CEMIP2: variants seen among roughly 807,000 people sequenced by gnomAD.
CEMIP2 encodes cell migration inducing hyaluronidase 2.
In CEMIP2, 79 loss-of-function variants were observed where a neutral mutation model predicts 146.9. The ratio of observed to expected loss-of-function variants is 0.54; its 90% CI spans 0.45 to 0.65. The LOEUF is 0.65. Among genes scored for constraint, CEMIP2 ranks in the 30% least tolerant of loss-of-function variants. The pLI is 0.00. For missense variants in CEMIP2, 1,596 were observed against 1,696.2 expected, an observed-to-expected ratio of 0.94 and a Z score of 1.04; for synonymous variants, 601 against 606.3, an observed-to-expected ratio of 0.99 and a Z score of 0.13.
intron 12 of CEMIP2, among the ~76,000 whole-genome samples, chr9:71,718,359 C>A (rs1464907199): frequency 6.6e-6 from 1 of 151,706 alleles, no homozygotes; most frequent in Non-Finnish European, 1.5e-5. Context: ...AAATCATTTC[C>A]AAAAAAACCC....
chr9:71,723,368 A>G (rs374710660), intron 11 of CEMIP2, among the ~76,000 whole-genome samples: 1 of 148,278 alleles, frequency 6.7e-6, no homozygotes, highest in African/African-American at 2.4e-5. Context: ...AAAAAAAAAA[A>G]GGAGGCAAAT....
In CEMIP2 at chr9:71,728,281, G is replaced by GTGTATATATATATA. The variant is rs1257254971; in HGVS notation, c.2049+1563_2049+1564insTATATATATATACA. On this transcript the variant is annotated intron_variant, in intron 10 of 23. Coordinates refer to ENST00000377044, the MANE Select transcript of CEMIP2 (RefSeq NM_013390.3). ...TACACGTATATATATATATATATAT[G>GTGTATATATATATA]TATATATATATATATATATACATAT... Among the ~76,000 whole-genome samples, 2 of 9,254 alleles carry GTGTATATATATATA rather than the reference G, an allele frequency of 2.2e-4. 1 individual carries two copies. Among genetic ancestry groups the GTGTATATATATATA allele is most frequent in the African/African-American group, 9.5e-4 (2 of 2,100 alleles). The allele number at this position is 9,254 out of a possible 152,430, so 6.1% of individuals were successfully genotyped here.
At chr9:71,720,340 G>GATCT (rs1823198116) in intron 12 of CEMIP2, among the ~76,000 whole-genome samples, 1 of 152,162 alleles carries the variant, frequency 6.6e-6, no homozygotes, top group Admixed American at 6.5e-5. Context: ...GCTCAGGCTA[G>GATCT]AGCGCAGTGG....
At chr9:71,700,987 G>T (rs972938520) in intron 18 of CEMIP2, among the ~76,000 whole-genome samples, 163 bp from the exon 19 acceptor site, 2 of 152,180 alleles carry the variant, frequency 1.3e-5, no homozygotes, top group African/African-American at 4.8e-5. Context: ...ACTGACAGTG[G>T]AAGTTCTGAA....
At position 71,740,119 on chromosome 9, in the gene CEMIP2, A is replaced by C. The variant is rs1823872327; in HGVS notation, c.1148T>G (p.Phe383Cys). 6.2e-7 allele frequency: 1 copy of C among 1,613,984 alleles called. No homozygotes were observed. The highest frequency in any genetic ancestry group is 1.3e-5 in the African/African-American group (1 of 74,914). ...SGGKALAQRE[F>C]YTVDGQKFSV... ...GAACTTCTGGCCATCCACAGTATAA[A>C]ATTCTCTTTGGGCAAGAGCCTTCCC... The change falls in exon 5 of 24, where the codon TTT becomes TGT. Residue 383 changes from phenylalanine (F) to cysteine (C), a missense_variant. Physicochemically the swap from Phe to Cys is radical, Grantham distance 205 (BLOSUM62 -2). Coordinates refer to ENST00000377044, the MANE Select transcript of CEMIP2 (RefSeq NM_013390.3).
Position 71,718,030 on chromosome 9 carries a change from G to A in CEMIP2, c.2317C>T (p.Leu773=). The change falls in exon 13 of 24, where the codon CTA becomes TTA. Residue 773 remains leucine, a synonymous_variant. Transcript: ENST00000377044. ...TTAAAAGCAATGAGCCTGTCAATTA[G>A]AGCAGCAACACGTGGTTTTTCGGGG... ...ANPEKPRVAA[L]IDRLIAFKNN... 6.2e-7 allele frequency: 1 copy of A among 1,613,052 alleles called. No homozygotes were observed.
At chr9:71,743,825 T>C (rs566965185) in intron 4 of CEMIP2, among the ~76,000 whole-genome samples, 35 of 152,296 alleles carry the variant, frequency 2.3e-4, no homozygotes, top group Non-Finnish European at 2.2e-4. Flanking sequence ...TCACTATTTT[T>C]TGTCTTTCTA....
Position 71,756,267 on chromosome 9 carries a change from C to T in CEMIP2, c.-12-5882G>A, listed in dbSNP as rs1292766911. ...ATATATATATATATATGTATATATA[C>T]ACACGTATATGTATATACCTATATA... On this transcript the variant is annotated intron_variant, in intron 1 of 23. Transcript: ENST00000377044. Among the ~76,000 whole-genome samples the T allele has an allele frequency of 2.1e-5, 3 of 141,186 alleles. No individual in the cohort carries two copies. The South Asian group carries it at 7.5e-4, about 36-fold the overall frequency. 92.6% of individuals were successfully genotyped at this position (141,186 alleles called of 152,430 possible).
chr9:71,762,503 C>CAA lies in CEMIP2; in HGVS notation c.-13+5852_-13+5853dup, dbSNP rs58090104. Among the ~76,000 whole-genome samples the CAA allele has an allele frequency of 9.3e-4, 74 of 79,704 alleles. 3 individuals are homozygous for CAA. Among genetic ancestry groups the CAA allele is most frequent in the African/African-American group, 2.4e-3 (47 of 19,324 alleles). The allele number at this position is 79,704 out of a possible 152,430, so 52.3% of individuals were successfully genotyped here. A position where few individuals can be genotyped will look rare whatever the true frequency, so the allele number is the denominator to read the frequency against. On this transcript the variant is annotated intron_variant, in intron 1 of 23. Transcript: ENST00000377044. ...CAAGACCCCATGCCAGCCCCGTCAC[C>CAA]AAAAAAAAAAAAAAAAAAAAAAACT...
intron 5 of CEMIP2, among the ~76,000 whole-genome samples, chr9:71,738,058 A>T (rs1823810150): frequency 6.6e-6 from 1 of 152,162 alleles, no homozygotes; most frequent in Admixed American, 6.5e-5. Context: ...TCCAGAGCCC[A>T]ATTTCTTTCA....
At chr9:71,719,028 C>T (rs1589143178) in intron 12 of CEMIP2, among the ~76,000 whole-genome samples, 1 of 152,070 alleles carries the variant, frequency 6.6e-6, no homozygotes, top group Non-Finnish European at 1.5e-5. Flanking sequence ...GTCAAACGGC[C>T]CCATGATGCT....
rs1824051529 is a variant in CEMIP2 at position 71,745,277 on chromosome 9, A to G, written c.775T>C (p.Phe259Leu). ...SSGLPFGSYTFEKDFSRGLNV... is the reference protein window; with the variant it reads ...SSGLPFGSYTLEKDFSRGLNV... The stretch of plus-strand genomic sequence containing the variant: ...AGGCCCCGGGAAAAGTCCTTTTCAA[A>G]GGTATAGGACCCAAAGGGCAAGCCT... The change falls in exon 4 of 24, where the codon TTT becomes CTT. Residue 259 changes from phenylalanine to leucine, a missense_variant. By Grantham distance (22) the Phe-to-Leu change is conservative. Coordinates refer to ENST00000377044, the MANE Select transcript of CEMIP2 (RefSeq NM_013390.3). The G allele has an allele frequency of 6.2e-7, 1 of 1,613,996 alleles. No homozygotes were observed.
At chr9:71,690,274 T>C in intron 21 of CEMIP2, 28 bp from the exon 22 acceptor site, 1 of 1,605,400 alleles carries the variant, frequency 6.2e-7, no homozygotes, top group Non-Finnish European at 8.5e-7. Context: ...TCTTCTGCTG[T>C]CATCATCATT....
chr9:71,742,140 A>G (rs1823939795), intron 4 of CEMIP2, among the ~76,000 whole-genome samples: 1 of 152,246 alleles, frequency 6.6e-6, no homozygotes, highest in Non-Finnish European at 1.5e-5. Flanking sequence ...ACAGATGGCT[A>G]GATATTCACA....
At chr9:71,704,133 G>A (rs1055869811) in intron 18 of CEMIP2, among the ~76,000 whole-genome samples, 2 of 152,112 alleles carry the variant, frequency 1.3e-5, no homozygotes, top group African/African-American at 4.8e-5. Context: ...TTCAGGCAGG[G>A]CTAGCAAATA....
chr9:71,763,296 TTAAG>T (rs1393383496), intron 1 of CEMIP2, among the ~76,000 whole-genome samples: 7 of 152,250 alleles, frequency 4.6e-5, no homozygotes, highest in Admixed American at 1.3e-4. Flanking sequence ...ACACCAATAA[TTAAG>T]TAAGAGCCCC....
chr9:71,692,498 T>C (rs1822263338), intron 21 of CEMIP2, among the ~76,000 whole-genome samples: 1 of 151,978 alleles, frequency 6.6e-6, no homozygotes, highest in South Asian at 2.1e-4. Flanking sequence ...AGGTTCCTCA[T>C]GCAGCTGACT....
chr9:71,708,417 T>C (rs1395970370), intron 17 of CEMIP2, among the ~76,000 whole-genome samples: 2 of 152,242 alleles, frequency 1.3e-5, no homozygotes, highest in South Asian at 4.1e-4. Context: ...ATATGCTAAA[T>C]GCTTTACATA....
chr9:71,736,737 C>T (rs62549261), intron 5 of CEMIP2, among the ~76,000 whole-genome samples: 10,834 of 152,134 alleles, frequency 0.071, 552 homozygotes, highest in South Asian at 0.2. Flanking sequence ...ACTGATTTAA[C>T]GGAAATGTCC....
Sources: allele counts gnomAD v4.1 joint callset (sites outside exome capture counted in the v4.1 genomes callset), GRCh38; gene constraint gnomAD v4.1.1; transcripts MANE v1.5; gene names NCBI Gene and HGNC (gene_info 2026-07-23, HGNC 2026-07-21).